The following SYN3 variants were observed in gnomAD, a reference collection of about 807,000 sequenced individuals.
The protein encoded by SYN3 is synapsin III, also known as synapsin-3.
A neutral mutation model predicts 65.8 loss-of-function variants in SYN3; 35 were observed. That is an observed-to-expected ratio of 0.53 (90% confidence interval 0.41 to 0.70). SYN3 has a LOEUF of 0.70. SYN3 is among the 30% of genes least tolerant of loss of function. The probability of loss-of-function intolerance (pLI) is 0.00; values close to 1 mark genes in which losing one functional copy is unlikely to be tolerated. For missense variants in SYN3, 680 were observed against 749.0 expected (o/e 0.91, Z 1.08); for synonymous variants, 270 against 292.9 (o/e 0.92, Z 0.80).
At chr22:32,560,873 G>T (rs2058577013) in intron 7 of SYN3, among the ~76,000 whole-genome samples, 1 of 152,192 alleles carries the variant, frequency 6.6e-6, no homozygotes, top group Non-Finnish European at 1.5e-5. Flanking sequence ...AGGGACAGTG[G>T]CTTGAACGAG....
intron 9 of SYN3, among the ~76,000 whole-genome samples, chr22:32,535,884 C>A (rs1490568899): frequency 6.6e-6 from 1 of 152,192 alleles, no homozygotes; most frequent in African/African-American, 2.4e-5. Flanking sequence ...GCAGGCGAGC[C>A]AGTGGAGGGC....
intron 2 of SYN3, among the ~76,000 whole-genome samples, chr22:32,991,178 G>A (rs1208803663): frequency 1.7e-4 from 25 of 147,782 alleles, no homozygotes; most frequent in African/African-American, 3.8e-4. Flanking sequence ...GTGAGACTCC[G>A]TCTCAAAAAA....
intron 6 of SYN3, among the ~76,000 whole-genome samples, chr22:32,798,176 C>A (rs62232902): frequency 0.064 from 9,757 of 152,100 alleles, 332 homozygotes; most frequent in Middle Eastern, 0.11. Flanking sequence ...CTGATTGGCT[C>A]AGAGGGTGAT....
At chr22:32,604,453 C>T (rs528386426) in intron 6 of SYN3, among the ~76,000 whole-genome samples, 3 of 151,738 alleles carry the variant, frequency 2.0e-5, no homozygotes, top group South Asian at 2.1e-4. Context: ...ACGGTCTTTG[C>T]GTAAGCTGTT....
intron 4 of SYN3, among the ~76,000 whole-genome samples, chr22:32,923,123 G>C (rs142092163): frequency 1.2e-3 from 181 of 152,318 alleles, no homozygotes; most frequent in African/African-American, 4.1e-3. Context: ...TGAGAACCAG[G>C]AGTGTCAACC....
chr22:32,651,932 C>T (rs1480883987), intron 6 of SYN3, among the ~76,000 whole-genome samples: 2 of 152,114 alleles, frequency 1.3e-5, no homozygotes, highest in African/African-American at 2.4e-5. Flanking sequence ...CGGGTAGAAG[C>T]CAGGGATGCA....
At chr22:32,548,904 A>G (rs1461551309) in intron 7 of SYN3, among the ~76,000 whole-genome samples, 1 of 152,152 alleles carries the variant, frequency 6.6e-6, no homozygotes, top group Non-Finnish European at 1.5e-5. Context: ...GCCATGTTCT[A>G]TGATCTCAGA....
intron 6 of SYN3, among the ~76,000 whole-genome samples, chr22:32,697,185 T>C (rs1296226903): frequency 5.9e-5 from 9 of 152,158 alleles, no homozygotes; most frequent in Non-Finnish European, 5.9e-5. Flanking sequence ...TGGGCCACTC[T>C]ATTAAAATCC....
At chr22:32,904,768 A>G (rs1340661215) in intron 4 of SYN3, among the ~76,000 whole-genome samples, 1 of 152,088 alleles carries the variant, frequency 6.6e-6, no homozygotes, top group African/African-American at 2.4e-5. Flanking sequence ...CCACTGTGGG[A>G]AGCTTTCAGG....
chr22:32,904,452 C>T (rs1199928234), intron 4 of SYN3, among the ~76,000 whole-genome samples: 3 of 152,020 alleles, frequency 2.0e-5, no homozygotes, highest in East Asian at 1.9e-4. Flanking sequence ...TGAAGAAGGT[C>T]GTCTGCTGAA....
rs1166052789 is a variant in SYN3, at chr22:32,973,135, C to T, written c.369+7510G>A. Among the ~76,000 whole-genome samples, 4 of 152,198 alleles carry T rather than the reference C, an allele frequency of 2.6e-5. 1 individual carries two copies. Among genetic ancestry groups the T allele is most frequent in the Non-Finnish European group, 5.9e-5 (4 of 68,048 alleles). The stretch of plus-strand genomic sequence containing the variant: ...GTTGTGCCTCTGGGTAAAATGATTT[C>T]CCCTTTTGATCCATTTGTAATCAAT... On this transcript the variant is annotated intron_variant, in intron 3 of 13. Transcript: ENST00000358763.
At chr22:32,964,383 A>G (rs1165223695) in intron 3 of SYN3, among the ~76,000 whole-genome samples, 1 of 149,298 alleles carries the variant, frequency 6.7e-6, no homozygotes, top group Non-Finnish European at 1.5e-5. Flanking sequence ...ACTAACCTGC[A>G]CGTTGTGCAC....
chr22:32,783,622 G>A (rs539826685), intron 6 of SYN3, among the ~76,000 whole-genome samples: 10 of 152,112 alleles, frequency 6.6e-5, no homozygotes, highest in Non-Finnish European at 1.2e-4. Context: ...CCTGTGCGCC[G>A]TCTCTGAAAT....
At chr22:32,907,988 C>T (rs907700490) in intron 4 of SYN3, among the ~76,000 whole-genome samples, 3 of 152,184 alleles carry the variant, frequency 2.0e-5, no homozygotes, top group Non-Finnish European at 4.4e-5. Context: ...GAAACTAATG[C>T]ACACAGAAGT....
At chr22:32,894,486 T>C (rs1465632886) in intron 4 of SYN3, among the ~76,000 whole-genome samples, 1 of 152,178 alleles carries the variant, frequency 6.6e-6, no homozygotes, top group African/African-American at 2.4e-5. Flanking sequence ...CCAATTCTGG[T>C]CAATGAGGCC....
intron 7 of SYN3, among the ~76,000 whole-genome samples, chr22:32,572,800 C>T (rs2058797189): frequency 6.6e-6 from 1 of 152,142 alleles, no homozygotes. Flanking sequence ...AACTCCAGCT[C>T]GTGTCTTCCA....
Position 32,871,915 on chromosome 22 carries a change from A to AC in SYN3, c.462-2791dup, listed in dbSNP as rs2048859204. Reference sequence around the variant, plus strand: ...AGTGTTGGAATTACAGGCATGAACCACCCTACCCAGCCTTCCATCCTCATT... The same window carrying AC: ...AGTGTTGGAATTACAGGCATGAACCACCCCTACCCAGCCTTCCATCCTCATT... On this transcript the variant is annotated intron_variant, in intron 4 of 13. Coordinates refer to ENST00000358763, the MANE Select transcript of SYN3 (RefSeq NM_003490.4). Among the ~76,000 whole-genome samples the AC allele has an allele frequency of 2.6e-5, 4 of 152,028 alleles. No individual in the cohort carries two copies. In the South Asian group the frequency reaches 6.2e-4, roughly 24 times the overall value.
intron 1 of SYN3, among the ~76,000 whole-genome samples, chr22:33,052,401 C>T (rs1463987475): frequency 1.3e-5 from 2 of 152,092 alleles, no homozygotes; most frequent in Non-Finnish European, 2.9e-5. Context: ...CCTCCTCCTC[C>T]TCTTCTTTCT....
chr22:32,777,970 T>C (rs1244427680), intron 6 of SYN3, among the ~76,000 whole-genome samples: 1 of 152,190 alleles, frequency 6.6e-6, no homozygotes, highest in Non-Finnish European at 1.5e-5. Flanking sequence ...CTCAGAGGTA[T>C]GTGAGGCTTC....
Sources: gnomAD v4.1 joint callset for allele counts (sites outside exome capture counted in the v4.1 genomes callset) on GRCh38, gnomAD v4.1.1 for gene constraint, MANE v1.5 for transcripts, NCBI Gene and HGNC (gene_info 2026-07-23, HGNC 2026-07-21) for gene names.